The following GPC1 variants were observed in gnomAD, a reference collection of about 807,000 sequenced individuals.
GPC1 encodes the protein glypican-1.
A neutral mutation model predicts 51.5 loss-of-function variants in GPC1; 26 were observed. That is an observed-to-expected ratio of 0.50 (90% confidence interval 0.37 to 0.70). GPC1 has a LOEUF of 0.70. Among genes scored for constraint, GPC1 ranks in the 30% least tolerant of loss-of-function variants. The pLI is 0.00. For missense variants in GPC1, 775 were observed against 800.5 expected, an observed-to-expected ratio of 0.97 and a Z score of 0.38; for synonymous variants, 380 against 348.3, an observed-to-expected ratio of 1.09 and a Z score of -1.01.
chr2:240,444,080 G>A (rs1472256008), intron 1 of GPC1, among the ~76,000 whole-genome samples: 4 of 152,216 alleles, frequency 2.6e-5, no homozygotes. Context: ...CGCACAGGAG[G>A]GGAGGCTGTG....
chr2:240,463,810 CTCA>C (rs776595144), intron 4 of GPC1: 18 of 463,730 alleles, frequency 3.9e-5, no homozygotes, highest in Admixed American at 7.7e-5. Flanking sequence ...ACACGTGTGA[CTCA>C]TCGAGGACCG....
At chr2:240,442,743 A>T (rs957915522) in intron 1 of GPC1, among the ~76,000 whole-genome samples, 10 of 152,236 alleles carry the variant, frequency 6.6e-5, no homozygotes, top group African/African-American at 2.4e-4. Flanking sequence ...GAGCTAGCCC[A>T]GCCCGGCACA....
At position 240,435,839 on chromosome 2, in the gene GPC1, C is replaced by T; in HGVS notation, c.-80C>T. ...GCGCCGGGACCTTGGCTCTGCCCTT[C>T]GCGGGCGGGAACTGCGCAGGACCCG... On this transcript the variant is annotated 5_prime_UTR_variant, in exon 1 of 9. Coordinates refer to ENST00000264039, the MANE Select transcript of GPC1 (RefSeq NM_002081.3). 2.1e-6 allele frequency: 2 copies of T among 947,542 alleles called. No individual in the cohort carries two copies. The highest frequency in any genetic ancestry group is 1.4e-6 in the Non-Finnish European group (1 of 736,856). 58.7% of individuals were successfully genotyped at this position (947,542 alleles called of 1,614,324 possible). A position where few individuals can be genotyped will look rare whatever the true frequency, so the allele number is the denominator to read the frequency against.
chr2:240,441,142 G>A (rs1014278416), intron 1 of GPC1, among the ~76,000 whole-genome samples: 5 of 152,270 alleles, frequency 3.3e-5, no homozygotes, highest in African/African-American at 1.2e-4. Context: ...CCCAGGTACC[G>A]AGGACGCCTC....
At chr2:240,462,716 C>A in intron 3 of GPC1, 134 bp downstream of exon 3, 1 of 744,362 alleles carries the variant, frequency 1.3e-6, no homozygotes, top group Non-Finnish European at 2.1e-6. Context: ...GCCCCACAGC[C>A]TCAGTCCCTC....
In GPC1 at chr2:240,462,621, G is replaced by A. The variant is rs1032580805; in HGVS notation, c.717+39G>A. ...CCCAGGGCTCTCAGAAACCCCTCCA[G>A]ACCCCCATGCTCTGCCCAAGGGACT... On this transcript the variant is annotated intron_variant, in intron 3 of 8. Coordinates refer to ENST00000264039, the MANE Select transcript of GPC1 (RefSeq NM_002081.3). 6 of 1,492,936 alleles carry A rather than the reference G, an allele frequency of 4.0e-6. No homozygotes were observed. In the African/African-American group the frequency reaches 8.4e-5, roughly 21 times the overall value. The allele number at this position is 1,492,936 out of a possible 1,614,324, so 92.5% of individuals were successfully genotyped here. A position where few individuals can be genotyped will look rare whatever the true frequency, so the allele number is the denominator to read the frequency against.
chr2:240,447,606 G>A lies in GPC1; in HGVS notation c.167-11424G>A, dbSNP rs1009165024. ...ATCATGGCCGTTCCTGGTGGCCGTCGTCTTAGCAAAGGGGCGGGTCCTGAG... is the reference window on the plus strand; with the variant it reads ...ATCATGGCCGTTCCTGGTGGCCGTCATCTTAGCAAAGGGGCGGGTCCTGAG... On this transcript the variant is annotated intron_variant, in intron 1 of 8. Transcript: ENST00000264039. 3.3e-5 allele frequency among the ~76,000 whole-genome samples: 5 copies of A among 152,318 alleles called. No homozygotes were observed. In the East Asian group the frequency reaches 7.7e-4, roughly 24 times the overall value.
At chr2:240,446,621 C>T (rs1470790295) in intron 1 of GPC1, among the ~76,000 whole-genome samples, 2 of 152,214 alleles carry the variant, frequency 1.3e-5, no homozygotes, top group South Asian at 2.1e-4. Context: ...TGGCCCCTCT[C>T]TTGCCATGGC....
intron 1 of GPC1, among the ~76,000 whole-genome samples, chr2:240,445,782 C>T (rs1386907403): frequency 4.6e-5 from 7 of 152,170 alleles, no homozygotes; most frequent in Non-Finnish European, 8.8e-5. Context: ...CACCAGTAGA[C>T]GTCGCCGCTG....
rs1216262604 is a variant in GPC1, at chr2:240,466,490, C to T, written c.*200C>T. The T allele has an allele frequency of 5.2e-6, 3 of 577,996 alleles. No homozygotes were observed. Among genetic ancestry groups the T allele is most frequent in the Non-Finnish European group, 9.2e-6 (3 of 325,232 alleles). The allele number at this position is 577,996 out of a possible 1,614,324, so 35.8% of individuals were successfully genotyped here. A position where few individuals can be genotyped will look rare whatever the true frequency, so the allele number is the denominator to read the frequency against. On this transcript the variant is annotated 3_prime_UTR_variant, in exon 9 of 9. Transcript: ENST00000264039. ...TCTGCCTTTTAATTTTGTATGAGGT[C>T]CTCAGGTCAGCTGGGAGCCAGTGTG...
At chr2:240,452,462 A>C (rs2074107585) in intron 1 of GPC1, 1 of 152,500 alleles carries the variant, frequency 6.6e-6, no homozygotes, top group African/African-American at 2.4e-5. Context: ...GAGAAACCCG[A>C]CACCCCGCCC....
chr2:240,437,071 G>T (rs1302990351), intron 1 of GPC1, among the ~76,000 whole-genome samples: 1 of 152,230 alleles, frequency 6.6e-6, no homozygotes, highest in Non-Finnish European at 1.5e-5. Context: ...GACCCAGTGG[G>T]CAAGAACAAA....
At chr2:240,453,477 C>CG (rs1282873902) in intron 1 of GPC1, among the ~76,000 whole-genome samples, 1 of 141,106 alleles carries the variant, frequency 7.1e-6, no homozygotes, top group East Asian at 2.2e-4. Flanking sequence ...GCCGCCGCCC[C>CG]GGGGCCCCCC....
At chr2:240,453,648 CCGCCCCCTTCCCTCCCCGCCG>C (rs2074127480) in intron 1 of GPC1, among the ~76,000 whole-genome samples, 2 of 149,342 alleles carry the variant, frequency 1.3e-5, no homozygotes, top group East Asian at 2.0e-4. Context: ...CTCTCCCCGC[CCGCCCCCTTCCCTCCCCGCCG>C]CGCCCACTGC....
Position 240,436,001 on chromosome 2 carries a change from A to G in GPC1, c.83A>G (p.Lys28Arg), listed in dbSNP as rs774472892. The stretch of plus-strand genomic sequence containing the variant: ...TGCGCCCGCGGGGACCCGGCCAGCA[A>G]GAGCCGGAGCTGCGGCGAGGTCCGC... Reference protein sequence around the residue: ...VACARGDPASKSRSCGEVRQI... With the variant: ...VACARGDPASRSRSCGEVRQI... The change falls in exon 1 of 9, where the codon AAG becomes AGG. Residue 28 changes from lysine to arginine, a missense_variant. Transcript: ENST00000264039. 30 of 1,383,216 alleles carry G rather than the reference A, an allele frequency of 2.2e-5. No individual in the cohort carries two copies. The highest frequency in any genetic ancestry group is 2.7e-4 in the Middle Eastern group (1 of 3,738). The allele number at this position is 1,383,216 out of a possible 1,614,324, so 85.7% of individuals were successfully genotyped here.
chr2:240,457,399 C>T (rs978857471), intron 1 of GPC1: 10 of 467,834 alleles, frequency 2.1e-5, no homozygotes, highest in African/African-American at 1.0e-4. Flanking sequence ...TCGGGCTCCT[C>T]CCTGAGTGTG....
chr2:240,439,017 C>G (rs1041170935), intron 1 of GPC1, among the ~76,000 whole-genome samples: 2 of 152,218 alleles, frequency 1.3e-5, no homozygotes, highest in Non-Finnish European at 2.9e-5. Context: ...TGCCAGCAGG[C>G]CTCCTGCTTT....
intron 1 of GPC1, among the ~76,000 whole-genome samples, chr2:240,436,841 G>C (rs1013222904): frequency 6.6e-6 from 1 of 152,256 alleles, no homozygotes; most frequent in Non-Finnish European, 1.5e-5. Context: ...CCCAGGGGCC[G>C]TGTCATTTCT....
chr2:240,445,559 G>A (rs2074044076), intron 1 of GPC1, among the ~76,000 whole-genome samples: 1 of 152,150 alleles, frequency 6.6e-6, no homozygotes, highest in Non-Finnish European at 1.5e-5. Context: ...GGGAGGAAGG[G>A]CAGACTGTGG....
Sources: gnomAD v4.1 joint callset for allele counts (sites outside exome capture counted in the v4.1 genomes callset) on GRCh38, gnomAD v4.1.1 for gene constraint, MANE v1.5 for transcripts, NCBI Gene and HGNC (gene_info 2026-07-23, HGNC 2026-07-21) for gene names.